MEOX2: variants seen among roughly 807,000 people sequenced by gnomAD.
The protein encoded by MEOX2 is mesenchyme homeobox 2, also known as homeobox protein MOX-2.
MEOX2 carries 11 observed loss-of-function variants against 27.0 expected under a neutral mutation model. The ratio of observed to expected loss-of-function variants is 0.41; its 90% CI spans 0.26 to 0.68. MEOX2 has a LOEUF of 0.68. MEOX2 is among the 30% of genes least tolerant of loss of function. The pLI is 0.33. For missense variants in MEOX2, 436 were observed against 385.4 expected (o/e 1.13, Z -1.10); for synonymous variants, 189 against 155.4 (o/e 1.22, Z -1.61).
intron 1 of MEOX2, among the ~76,000 whole-genome samples, chr7:15,659,495 T>C (rs1781874443): frequency 6.6e-6 from 1 of 152,054 alleles, no homozygotes; most frequent in South Asian, 2.1e-4. Flanking sequence ...GCGCGGTGGC[T>C]CACGCCTGTA....
chr7:15,661,527 G>A (rs1238573232), intron 1 of MEOX2, among the ~76,000 whole-genome samples: 1 of 152,184 alleles, frequency 6.6e-6, no homozygotes, highest in East Asian at 1.9e-4. Flanking sequence ...GCCAATGGGA[G>A]GGACTCAATA....
intron 1 of MEOX2, among the ~76,000 whole-genome samples, chr7:15,663,685 T>G (rs551972808): frequency 5.6e-4 from 86 of 152,286 alleles, no homozygotes; most frequent in African/African-American, 1.9e-3. Context: ...ACTTATTTTT[T>G]GAAAGACAAA....
chr7:15,616,241 T>A (rs899396890), intron 2 of MEOX2, among the ~76,000 whole-genome samples: 1 of 151,898 alleles, frequency 6.6e-6, no homozygotes, highest in Admixed American at 6.6e-5. Context: ...AATTCTGTGA[T>A]CTTAGCAAGG....
chr7:15,678,901 T>C (rs1025676717), intron 1 of MEOX2: 1 of 152,148 alleles, frequency 6.6e-6, no homozygotes, highest in Non-Finnish European at 1.5e-5. Flanking sequence ...GCGAATTTGT[T>C]TTTTCCTTGT....
intron 1 of MEOX2, among the ~76,000 whole-genome samples, chr7:15,643,138 G>A (rs375893801): frequency 6.6e-6 from 1 of 152,222 alleles, no homozygotes; most frequent in Admixed American, 6.5e-5. Flanking sequence ...CAGAAGTTGT[G>A]ATGGGACATG....
Position 15,686,505 on chromosome 7 carries a change from C to CG in MEOX2, c.-104_-103insC. 1 of 647,282 alleles carries CG rather than the reference C, an allele frequency of 1.5e-6. No homozygotes were observed. The highest frequency in any genetic ancestry group is 2.4e-6 in the Non-Finnish European group (1 of 408,846). 40.1% of individuals were successfully genotyped at this position (647,282 alleles called of 1,614,324 possible). A position where few individuals can be genotyped will look rare whatever the true frequency, so the allele number is the denominator to read the frequency against. ...GGAAACCGTGTGATTTTTTTTTTAA[C>CG]CTCCCAAAGCAATAGCGGTGCACTT... On this transcript the variant is annotated 5_prime_UTR_variant, in exon 1 of 3. Transcript: ENST00000262041.
chr7:15,624,130 T>A (rs549358539), intron 2 of MEOX2, among the ~76,000 whole-genome samples: 2 of 152,330 alleles, frequency 1.3e-5, no homozygotes, highest in African/African-American at 4.8e-5. Context: ...ACAATTCTAA[T>A]CAGCAAACCT....
At chr7:15,643,635 C>G (rs1303052650) in intron 1 of MEOX2, among the ~76,000 whole-genome samples, 1 of 152,196 alleles carries the variant, frequency 6.6e-6, no homozygotes, top group African/African-American at 2.4e-5. Flanking sequence ...TTAGGCTTTC[C>G]AGACTGTGGG....
chr7:15,680,429 T>C (rs1243205996), intron 1 of MEOX2: 2 of 152,008 alleles, frequency 1.3e-5, no homozygotes, highest in Non-Finnish European at 2.9e-5. Flanking sequence ...CTGAGCCCTA[T>C]ATGTTCTTGA....
rs142830739 is a variant in MEOX2 at position 15,618,027 on chromosome 7, C to G, written c.691-5416G>C. Among the ~76,000 whole-genome samples, 57 of 152,148 alleles carry G rather than the reference C, an allele frequency of 3.7e-4. 1 individual carries two copies. The East Asian group carries it at 0.011, about 29-fold the overall frequency. On this transcript the variant is annotated intron_variant, in intron 2 of 2. Coordinates refer to ENST00000262041, the MANE Select transcript of MEOX2 (RefSeq NM_005924.5). ...TGAATCTCACAGGCACAATTATGAG[C>G]CAACCTTATACTCTCACTCTTCTTT...
intron 1 of MEOX2, among the ~76,000 whole-genome samples, chr7:15,664,202 T>C (rs764168341): frequency 6.6e-6 from 1 of 152,220 alleles, no homozygotes; most frequent in Non-Finnish European, 1.5e-5. Context: ...AATAAGGGAT[T>C]AAACAAAAAT....
intron 1 of MEOX2, among the ~76,000 whole-genome samples, chr7:15,667,476 C>T (rs982071001): frequency 4.0e-5 from 6 of 151,870 alleles, no homozygotes; most frequent in Non-Finnish European, 8.8e-5. Context: ...GTACTGCGGA[C>T]GCTTCCAGAA....
intron 1 of MEOX2, among the ~76,000 whole-genome samples, chr7:15,648,572 A>C (rs1488592998): frequency 6.6e-6 from 1 of 152,050 alleles, no homozygotes; most frequent in Non-Finnish European, 1.5e-5. Flanking sequence ...GTCTTACATA[A>C]AACTGTCTCC....
intron 1 of MEOX2, among the ~76,000 whole-genome samples, chr7:15,665,644 T>G (rs1481089032): frequency 6.6e-6 from 1 of 152,192 alleles, no homozygotes; most frequent in East Asian, 1.9e-4. Context: ...TGAGATCTCA[T>G]CAATAAGAAT....
In MEOX2 at chr7:15,629,801, A is replaced by C. The variant is rs192520865; in HGVS notation, c.518-2883T>G. 1.4e-4 allele frequency among the ~76,000 whole-genome samples: 21 copies of C among 152,126 alleles called. No individual in the cohort carries two copies. The East Asian group carries it at 3.3e-3, about 24-fold the overall frequency. ...TCTTTCTTTACAGTTTCCAAACCCT[A>C]TCACTTGCTGACCCTAAGGCCTCTA... On this transcript the variant is annotated intron_variant, in intron 1 of 2. Transcript: ENST00000262041.
intron 1 of MEOX2, among the ~76,000 whole-genome samples, chr7:15,628,783 G>A (rs376407031): frequency 2.6e-5 from 4 of 152,116 alleles, no homozygotes; most frequent in Non-Finnish European, 4.4e-5. Flanking sequence ...CATTGGTGGA[G>A]CATTTAGCTA....
At chr7:15,632,835 A>C (rs1179973531) in intron 1 of MEOX2, among the ~76,000 whole-genome samples, 2 of 151,954 alleles carry the variant, frequency 1.3e-5, no homozygotes, top group Non-Finnish European at 2.9e-5. Context: ...CTCTTGCTAT[A>C]GTCCAGAGAG....
Position 15,686,172 on chromosome 7 carries a change from A to ATGG in MEOX2, c.228_230dup (p.His80dup), listed in dbSNP as rs113582077. On this transcript the variant is annotated inframe_insertion, in exon 1 of 3. Coordinates refer to ENST00000262041, the MANE Select transcript of MEOX2 (RefSeq NM_005924.5). ...GGTGCTGCTGCTGCTGATGGTGGTG[A>ATGG]TGGTGGTGGTGGTGGTGGTGGTGGT... 106 of 1,532,416 alleles carry ATGG rather than the reference A, an allele frequency of 6.9e-5. No individual in the cohort carries two copies. Among genetic ancestry groups the ATGG allele is most frequent in the Middle Eastern group, 1.7e-4 (1 of 5,782 alleles). The allele number at this position is 1,532,416 out of a possible 1,614,324, so 94.9% of individuals were successfully genotyped here.
intron 1 of MEOX2, among the ~76,000 whole-genome samples, chr7:15,628,183 C>G (rs1457473367): frequency 1.3e-5 from 2 of 151,630 alleles, no homozygotes; most frequent in Non-Finnish European, 2.9e-5. Context: ...CTTAAATATG[C>G]TAAGAAGTAC....
Sources: gnomAD v4.1 joint callset for allele counts (sites outside exome capture counted in the v4.1 genomes callset) on GRCh38, gnomAD v4.1.1 for gene constraint, MANE v1.5 for transcripts, NCBI Gene and HGNC (gene_info 2026-07-23, HGNC 2026-07-21) for gene names.